The following MIA2 variants were observed in gnomAD, a reference collection of about 807,000 sequenced individuals.
MIA2 encodes melanoma inhibitory activity protein 2.
Under a neutral mutation model 167.8 loss-of-function variants are expected in MIA2, and 127 were observed. The ratio of observed to expected loss-of-function variants is 0.76; its 90% CI spans 0.66 to 0.88. The LOEUF (loss-of-function observed/expected upper bound fraction) is 0.88, where lower values mean the gene tolerates loss of function less well. Ranked by LOEUF, MIA2 falls within the 40% of genes least tolerant of loss-of-function variation. The pLI, the probability that MIA2 is intolerant of heterozygous loss-of-function variation, is 0.00. For missense variants in MIA2, 1,690 were observed against 1,624.7 expected, an observed-to-expected ratio of 1.04 and a Z score of -0.69; for synonymous variants, 552 against 541.9, an observed-to-expected ratio of 1.02 and a Z score of -0.26.
intron 6 of MIA2, among the ~76,000 whole-genome samples, chr14:39,273,510 G>A (rs1269742608): frequency 6.6e-6 from 1 of 152,056 alleles, no homozygotes; most frequent in Non-Finnish European, 1.5e-5. Context: ...GTGCCATCAT[G>A]CTTGGCTAAT....
At chr14:39,365,461 C>T (rs1169649698) in intron 23 of MIA2, among the ~76,000 whole-genome samples, 7 of 152,072 alleles carry the variant, frequency 4.6e-5, no homozygotes. Context: ...ATCACATAGG[C>T]TTTGTTCATT....
intron 23 of MIA2, chr14:39,370,548 A>G (rs908953654): frequency 2.2e-5 from 8 of 371,022 alleles, no homozygotes; most frequent in Admixed American, 1.9e-4. Context: ...GTTGTAGGAT[A>G]TGCACCACCG....
chr14:39,284,357 C>T (rs1221466026), intron 9 of MIA2, among the ~76,000 whole-genome samples: 2 of 151,930 alleles, frequency 1.3e-5, no homozygotes, highest in Non-Finnish European at 2.9e-5. Context: ...AAAATTTGAC[C>T]ATATTTATTT....
chr14:39,252,631 C>G (rs570736122), intron 4 of MIA2, 117 bp from the exon 5 acceptor site: 9 of 672,646 alleles, frequency 1.3e-5, no homozygotes, highest in African/African-American at 1.1e-4. Flanking sequence ...CTTTCTTTAA[C>G]GAAGTATCAT....
chr14:39,299,092 A>G (rs2061969745), intron 13 of MIA2, among the ~76,000 whole-genome samples: 1 of 149,628 alleles, frequency 6.7e-6, no homozygotes, highest in African/African-American at 2.4e-5. Context: ...AAAAAAAAAA[A>G]AAAAAGAAAT....
At chr14:39,241,578 A>C (rs1271828872) in intron 3 of MIA2, among the ~76,000 whole-genome samples, 2 of 152,180 alleles carry the variant, frequency 1.3e-5, no homozygotes. Context: ...CCTCTGCCTC[A>C]CCAATGGCTG....
At chr14:39,330,493 C>G (rs28776502) in intron 25 of MIA2, among the ~76,000 whole-genome samples, 29,955 of 151,956 alleles carry the variant, frequency 0.2, 2,948 homozygotes, top group Middle Eastern at 0.28. Context: ...TATTTCTTGT[C>G]TTCTGCTAGA....
At chr14:39,323,645 T>C (rs1026487166) in intron 24 of MIA2, among the ~76,000 whole-genome samples, 1 of 152,202 alleles carries the variant, frequency 6.6e-6, no homozygotes, top group African/African-American at 2.4e-5. Context: ...CATTATTTTT[T>C]AAACTTCACA....
intron 7 of MIA2, among the ~76,000 whole-genome samples, chr14:39,278,456 T>G (rs1033613799): frequency 1.3e-5 from 2 of 152,320 alleles, no homozygotes; most frequent in South Asian, 2.1e-4. Flanking sequence ...TATCTTGTCT[T>G]TTAAAGGTTT....
At chr14:39,288,708 G>T (rs146433277) in intron 9 of MIA2, among the ~76,000 whole-genome samples, 4 of 150,676 alleles carry the variant, frequency 2.7e-5, no homozygotes, top group African/African-American at 9.8e-5. Flanking sequence ...TGATCTGTCC[G>T]CCTCGGCCTC....
At chr14:39,381,840 C>A (rs2075171202) in intron 23 of MIA2, among the ~76,000 whole-genome samples, 1 of 141,342 alleles carries the variant, frequency 7.1e-6, no homozygotes, top group African/African-American at 2.7e-5. Context: ...AGAAACAAAT[C>A]AACAACAACA....
intron 18 of MIA2, among the ~76,000 whole-genome samples, chr14:39,310,774 A>C (rs980848820): frequency 1.3e-5 from 2 of 152,232 alleles, no homozygotes; most frequent in Non-Finnish European, 2.9e-5. Context: ...TCTGTACTTC[A>C]GTCATGATTT....
chr14:39,285,601 T>G (rs1379117288), intron 9 of MIA2, among the ~76,000 whole-genome samples: 3 of 121,916 alleles, frequency 2.5e-5, no homozygotes, highest in Non-Finnish European at 5.1e-5. Context: ...ACGGGGCGGC[T>G]GGCCGGGCGG....
chr14:39,340,314 T>G (rs1023563965), intron 25 of MIA2, among the ~76,000 whole-genome samples: 1 of 152,216 alleles, frequency 6.6e-6, no homozygotes, highest in African/African-American at 2.4e-5. Flanking sequence ...GGTGTAATCA[T>G]GAGTTAAGTG....
intron 25 of MIA2, among the ~76,000 whole-genome samples, chr14:39,331,322 A>G (rs1217127555): frequency 6.6e-6 from 1 of 151,738 alleles, no homozygotes; most frequent in African/African-American, 2.4e-5. Context: ...ATCTTCCTCC[A>G]TCCCTTTATT....
intron 26 of MIA2, among the ~76,000 whole-genome samples, chr14:39,347,133 T>A (rs2073447215): frequency 1.3e-5 from 2 of 151,644 alleles, no homozygotes; most frequent in African/African-American, 4.8e-5. Flanking sequence ...TGGAGTCTAG[T>A]TAGTTGGGGA....
chr14:39,375,113 A>T (rs11850593), intron 23 of MIA2, among the ~76,000 whole-genome samples: 5 of 75,982 alleles, frequency 6.6e-5, no homozygotes, highest in Non-Finnish European at 1.1e-4. Flanking sequence ...GCTTGTTAGT[A>T]AGGGAGAAGC....
At chr14:39,313,893 T>A (rs2064835292) in intron 19 of MIA2, among the ~76,000 whole-genome samples, 1 of 152,072 alleles carries the variant, frequency 6.6e-6, no homozygotes, top group Non-Finnish European at 1.5e-5. Context: ...CTTGGTTTGA[T>A]CCTTACTAGA....
intron 6 of MIA2, among the ~76,000 whole-genome samples, chr14:39,256,744 A>G (rs1197038254): frequency 6.6e-6 from 1 of 152,178 alleles, no homozygotes; most frequent in Non-Finnish European, 1.5e-5. Flanking sequence ...TCTAAAAAAG[A>G]AAAATAAACA....
Sources: gnomAD v4.1 joint callset for allele counts (sites outside exome capture counted in the v4.1 genomes callset) on GRCh38, gnomAD v4.1.1 for gene constraint, MANE v1.5 for transcripts, NCBI Gene and HGNC (gene_info 2026-07-23, HGNC 2026-07-21) for gene names.